Variants in TBC1D14 observed in about 807,000 individuals in gnomAD.
TBC1D14 encodes TBC1 domain family, member 14.
In TBC1D14, 26 loss-of-function variants were observed where a neutral mutation model predicts 79.0. The observed-to-expected ratio is 0.33, with a 90% CI of 0.24 to 0.46. The LOEUF (loss-of-function observed/expected upper bound fraction) is 0.46. Among genes scored for constraint, TBC1D14 ranks in the 20% least tolerant of loss-of-function variants. The pLI is 1.00. For synonymous variants in TBC1D14, 394 were observed against 349.9 expected (o/e 1.13, Z -1.40); for missense variants, 769 against 887.6 (o/e 0.87, Z 1.70).
At chr4:7,021,210 C>T (rs1388048225) in intron 12 of TBC1D14, among the ~76,000 whole-genome samples, 1 of 152,236 alleles carries the variant, frequency 6.6e-6, no homozygotes, top group Non-Finnish European at 1.5e-5. Flanking sequence ...TGCCCCTTTC[C>T]TCCCTCACGT....
chr4:6,935,345 A>G (rs530723541), intron 2 of TBC1D14, among the ~76,000 whole-genome samples: 1 of 152,258 alleles, frequency 6.6e-6, no homozygotes, highest in South Asian at 2.1e-4. Context: ...CCGGGAGAAG[A>G]GAGAATCACT....
chr4:7,015,569 G>A (rs1351374787), intron 12 of TBC1D14, among the ~76,000 whole-genome samples: 1 of 152,154 alleles, frequency 6.6e-6, no homozygotes, highest in Non-Finnish European at 1.5e-5. Flanking sequence ...TTCATGCTGT[G>A]GTGAAAGGGG....
chr4:6,911,176 T>C (rs1722955983), intron 1 of TBC1D14, among the ~76,000 whole-genome samples: 2 of 152,102 alleles, frequency 1.3e-5, no homozygotes, highest in South Asian at 4.1e-4. Context: ...CGACCAACCC[T>C]CTTACTGCTT....
At chr4:6,914,916 G>A (rs1723276270) in intron 1 of TBC1D14, among the ~76,000 whole-genome samples, 1 of 152,188 alleles carries the variant, frequency 6.6e-6, no homozygotes, top group African/African-American at 2.4e-5. Context: ...GTGGGCGGCT[G>A]TAATCCCAGC....
At position 6,959,542 on chromosome 4, in the gene TBC1D14, GCA is replaced by G. The variant is rs557526430; in HGVS notation, c.723-7759_723-7758del. On this transcript the variant is annotated intron_variant, in intron 2 of 13. Transcript: ENST00000409757. The stretch of plus-strand genomic sequence containing the variant: ...CCAGCAGGGCCCCCGCCTCTGGGAA[GCA>G]CAGTGTGGGCAGGGGTTCGTGCAGA... 2.7e-3 allele frequency among the ~76,000 whole-genome samples: 409 copies of G among 152,288 alleles called. 3 individuals carry two copies. The highest frequency in any genetic ancestry group is 0.012 in the Admixed American group (191 of 15,302).
At chr4:6,949,959 A>G (rs1207682678) in intron 2 of TBC1D14, among the ~76,000 whole-genome samples, 4 of 152,132 alleles carry the variant, frequency 2.6e-5, no homozygotes, top group Non-Finnish European at 5.9e-5. Flanking sequence ...GGTTTGTTAC[A>G]TAGGTATACA....
chr4:7,026,765 C>T (rs917404970), intron 13 of TBC1D14, among the ~76,000 whole-genome samples: 10 of 151,978 alleles, frequency 6.6e-5, no homozygotes, highest in Non-Finnish European at 8.8e-5. Flanking sequence ...GGCATGGTGA[C>T]GTATATCTGT....
chr4:6,924,459 G>C lies in TBC1D14; in HGVS notation c.722+348G>C, dbSNP rs1216568757. The stretch of plus-strand genomic sequence containing the variant: ...TAACGTTTCTTGGGCCAAGCAGAGG[G>C]CACTGGTGAGGGTGACGCCAGTGAG... On this transcript the variant is annotated intron_variant, in intron 2 of 13. Transcript: ENST00000409757. 2.6e-5 allele frequency among the ~76,000 whole-genome samples: 4 copies of C among 152,168 alleles called. No individual in the cohort carries two copies. The East Asian group carries it at 7.7e-4, about 29-fold the overall frequency.
At chr4:6,967,514 A>C (rs1430296603) in intron 3 of TBC1D14, 90 bp downstream of exon 3, 11 of 1,514,340 alleles carry the variant, frequency 7.3e-6, no homozygotes, top group African/African-American at 1.4e-5. Context: ...ATTGAGTCTG[A>C]AACTGGAAAT....
At chr4:6,947,142 C>G (rs1713550439) in intron 2 of TBC1D14, among the ~76,000 whole-genome samples, 3 of 151,938 alleles carry the variant, frequency 2.0e-5, no homozygotes, top group Admixed American at 6.6e-5. Context: ...GGGCGGATCA[C>G]TTGAGTTCAG....
chr4:7,027,347 A>T, intron 13 of TBC1D14, among the ~76,000 whole-genome samples: 1 of 112,304 alleles, frequency 8.9e-6, no homozygotes, highest in African/African-American at 3.5e-5. Context: ...ACACACAATC[A>T]CCTCCACGCA....
intron 2 of TBC1D14, among the ~76,000 whole-genome samples, chr4:6,961,842 CAGG>C (rs1715233103): frequency 6.6e-6 from 1 of 152,134 alleles, no homozygotes. Flanking sequence ...CGAAAAAAGG[CAGG>C]AGGACAAGGA....
chr4:6,965,515 A>G (rs6811552), intron 2 of TBC1D14, among the ~76,000 whole-genome samples: 151,529 of 152,304 alleles, frequency 0.99, 75,383 homozygotes, highest in Middle Eastern at 1. Flanking sequence ...GTTGTTCCCC[A>G]TGCATCAGAT....
rs536522103 is a variant in TBC1D14 at position 6,954,402 on chromosome 4, T to C, written c.723-12902T>C. On this transcript the variant is annotated intron_variant, in intron 2 of 13. Transcript: ENST00000409757. Reference sequence around the variant, plus strand: ...TGGAGACTTAACTGGAAGCAGAGTCTTTCCTGCGTGTAGCTTTGACAGCAT... The same window carrying C: ...TGGAGACTTAACTGGAAGCAGAGTCCTTCCTGCGTGTAGCTTTGACAGCAT... 2.0e-5 allele frequency: 14 copies of C among 717,444 alleles called. No individual in the cohort carries two copies. In the East Asian group the frequency reaches 3.8e-4, roughly 19 times the overall value. 44.4% of individuals were successfully genotyped at this position (717,444 alleles called of 1,614,324 possible). A position where few individuals can be genotyped will look rare whatever the true frequency, so the allele number is the denominator to read the frequency against.
Position 6,957,828 on chromosome 4 carries a change from G to A in TBC1D14, c.723-9476G>A, listed in dbSNP as rs185157433. Among the ~76,000 whole-genome samples, 36 of 152,270 alleles carry A rather than the reference G, an allele frequency of 2.4e-4. No homozygotes were observed. The East Asian group carries it at 6.0e-3, about 25-fold the overall frequency. Reference sequence around the variant, plus strand: ...TGAGGTGGGAGGACTGCTTGAGCCCGAGAGGTTGAGGCTGCAGTGAGCTGT... The same window carrying A: ...TGAGGTGGGAGGACTGCTTGAGCCCAAGAGGTTGAGGCTGCAGTGAGCTGT... On this transcript the variant is annotated intron_variant, in intron 2 of 13. Coordinates refer to ENST00000409757, the MANE Select transcript of TBC1D14 (RefSeq NM_020773.3).
intron 13 of TBC1D14, among the ~76,000 whole-genome samples, chr4:7,029,764 A>C (rs923957564): frequency 1.3e-5 from 2 of 152,206 alleles, no homozygotes; most frequent in Non-Finnish European, 2.9e-5. Flanking sequence ...GTCAGAGATT[A>C]CAGTGAGCCG....
At chr4:7,010,012 G>A (rs1384776844) in intron 10 of TBC1D14, 64 bp downstream of exon 10, 90 of 1,564,696 alleles carry the variant, frequency 5.8e-5, no homozygotes, top group Non-Finnish European at 7.6e-5. Flanking sequence ...ATATTGTCCA[G>A]CACGTGTTAG....
chr4:6,918,287 T>C (rs1030088178), intron 1 of TBC1D14, among the ~76,000 whole-genome samples: 1 of 152,344 alleles, frequency 6.6e-6, no homozygotes, highest in Non-Finnish European at 1.5e-5. Flanking sequence ...ATTCCAGGCG[T>C]GAGTGATGCC....
intron 3 of TBC1D14, 145 bp from the exon 4 acceptor site, chr4:6,994,039 C>A: frequency 1.5e-6 from 1 of 668,970 alleles, no homozygotes; most frequent in Non-Finnish European, 2.6e-6. Context: ...AGCGGCTTTT[C>A]ATTCTGAATA....
Sources: gnomAD v4.1 joint callset for allele counts (sites outside exome capture counted in the v4.1 genomes callset) on GRCh38, gnomAD v4.1.1 for gene constraint, MANE v1.5 for transcripts, NCBI Gene and HGNC (gene_info 2026-07-23, HGNC 2026-07-21) for gene names.